The following ZNF133 variants were observed in gnomAD, a reference collection of about 807,000 sequenced individuals.
ZNF133 encodes zinc finger protein 133, also known as zinc finger protein 133 (clone pHZ-13).
In ZNF133, 26 loss-of-function variants were observed where a neutral mutation model predicts 54.9. The ratio of observed to expected loss-of-function variants is 0.47; its 90% CI spans 0.35 to 0.66. The LOEUF (loss-of-function observed/expected upper bound fraction) is 0.66, where lower values mean the gene tolerates loss of function less well. Ranked by LOEUF, ZNF133 falls within the 30% of genes least tolerant of loss-of-function variation. ZNF133 has a pLI of 0.01. For missense variants in ZNF133, 653 were observed against 820.8 expected, an observed-to-expected ratio of 0.80 and a Z score of 2.50; for synonymous variants, 298 against 320.3, an observed-to-expected ratio of 0.93 and a Z score of 0.74.
Position 18,288,543 on chromosome 20 carries a change from G to T in ZNF133, c.-493G>T, listed in dbSNP as rs894875868. On this transcript the variant is annotated 5_prime_UTR_variant, in exon 1 of 7. Transcript: ENST00000425686. ...GGATTCGGGGTAGTGTAGTCCTGGC[G>T]CCCCGCTGGAGGAGCTCCCCAGCTG... The T allele has an allele frequency of 2.5e-6, 1 of 398,524 alleles. No homozygotes were observed. 24.7% of individuals were successfully genotyped at this position (398,524 alleles called of 1,614,324 possible).
intron 3 of ZNF133, among the ~76,000 whole-genome samples, chr20:18,302,198 C>T (rs995582938): frequency 2.0e-5 from 3 of 151,892 alleles, no homozygotes; most frequent in Admixed American, 6.6e-5. Flanking sequence ...GTCAGGAGTT[C>T]GAGACCAGCC....
chr20:18,293,453 T>TA (rs2041535966), intron 1 of ZNF133, among the ~76,000 whole-genome samples: 1 of 152,230 alleles, frequency 6.6e-6, no homozygotes, highest in Non-Finnish European at 1.5e-5. Flanking sequence ...CGTGGTACGT[T>TA]AGAGCTCCCA....
chr20:18,298,289 C>T lies in ZNF133; in HGVS notation c.-353C>T. 2 of 1,358,872 alleles carry T rather than the reference C, an allele frequency of 1.5e-6. No homozygotes were observed. Among genetic ancestry groups the T allele is most frequent in the Non-Finnish European group, 9.5e-7 (1 of 1,057,994 alleles). The allele number at this position is 1,358,872 out of a possible 1,614,324, so 84.2% of individuals were successfully genotyped here. A position where few individuals can be genotyped will look rare whatever the true frequency, so the allele number is the denominator to read the frequency against. ...ATAGAGTCTGCATTTCTTTGTTCAG[C>T]TTCAAAAGTTCTGCTGCCTGAGAGT... On this transcript the variant is annotated splice_region_variant and 5_prime_UTR_variant, in exon 3 of 7. Transcript: ENST00000425686.
intron 3 of ZNF133, among the ~76,000 whole-genome samples, chr20:18,299,646 A>G (rs2042952279): frequency 1.3e-5 from 2 of 152,226 alleles, no homozygotes; most frequent in African/African-American, 4.8e-5. Flanking sequence ...CAATGTAATC[A>G]AAGCATCAAA....
chr20:18,291,280 C>A (rs960395325), intron 1 of ZNF133, among the ~76,000 whole-genome samples: 9 of 152,058 alleles, frequency 5.9e-5, no homozygotes, highest in East Asian at 1.9e-4. Flanking sequence ...TGTTATGTTT[C>A]GAATATTTTA....
chr20:18,316,842 G>C lies in ZNF133; in HGVS notation c.*26G>C. ...AGGCAAAGATGGGGACAAGGACTAA[G>C]AGTCAGAATGTTGACACTTTGATGA... On this transcript the variant is annotated 3_prime_UTR_variant, in exon 7 of 7. Coordinates refer to ENST00000425686, the MANE Select transcript of ZNF133 (RefSeq NM_001352452.2). 6.4e-7 allele frequency: 1 copy of C among 1,566,062 alleles called. No homozygotes were observed.
At chr20:18,308,325 G>C (rs1008698541) in intron 6 of ZNF133, among the ~76,000 whole-genome samples, 1 of 152,036 alleles carries the variant, frequency 6.6e-6, no homozygotes, top group Admixed American at 6.5e-5. Flanking sequence ...TCTTCAAATT[G>C]AGGGACCATA....
Position 18,298,447 on chromosome 20 carries a change from G to A in ZNF133, c.-195G>A. The A allele has an allele frequency of 3.4e-6, 2 of 580,136 alleles. No homozygotes were observed. The highest frequency in any genetic ancestry group is 2.3e-6 in the Non-Finnish European group (1 of 442,438). 35.9% of individuals were successfully genotyped at this position (580,136 alleles called of 1,614,324 possible). A position where few individuals can be genotyped will look rare whatever the true frequency, so the allele number is the denominator to read the frequency against. ...TAGTTGAAGGCCTCCAGTTCCCAGG[G>A]GGAAGGAAGCATGGAGGGTAAGTCA... On this transcript the variant is annotated 5_prime_UTR_variant, in exon 3 of 7. Coordinates refer to ENST00000425686, the MANE Select transcript of ZNF133 (RefSeq NM_001352452.2).
At chr20:18,309,077 G>T (rs2045295390) in intron 6 of ZNF133, among the ~76,000 whole-genome samples, 1 of 152,136 alleles carries the variant, frequency 6.6e-6, no homozygotes. Context: ...TCTTCACATG[G>T]CCCTTTCTCA....
intron 1 of ZNF133, 72 bp from the exon 2 acceptor site, chr20:18,297,913 A>G (rs1262626162): frequency 1.0e-6 from 1 of 991,598 alleles, no homozygotes; most frequent in Non-Finnish European, 1.5e-6. Context: ...GGGGTTAAAG[A>G]GCAGGCCCTG....
chr20:18,291,047 C>A (rs1358771535), intron 1 of ZNF133, among the ~76,000 whole-genome samples: 1 of 152,116 alleles, frequency 6.6e-6, no homozygotes, highest in African/African-American at 2.4e-5. Flanking sequence ...GAATCTGTCG[C>A]CTGGGCAACA....
At chr20:18,304,046 C>T (rs2044042618) in intron 3 of ZNF133, among the ~76,000 whole-genome samples, 1 of 152,034 alleles carries the variant, frequency 6.6e-6, no homozygotes, top group South Asian at 2.1e-4. Flanking sequence ...TAAAGAACTC[C>T]TACAGCTTAA....
In ZNF133 at chr20:18,299,168, C is replaced by G. The variant is rs137994983; in HGVS notation, c.-178+704C>G. On this transcript the variant is annotated intron_variant, in intron 3 of 6. Transcript: ENST00000425686. ...TACTTACTAAACAAAGACTTTAAAA[C>G]AGCCATCTTAAAGAGCTAAAGGAAG... Among the ~76,000 whole-genome samples the G allele has an allele frequency of 2.4e-3, 364 of 152,146 alleles. 2 individuals carry two copies. Among genetic ancestry groups the G allele is most frequent in the African/African-American group, 3.8e-3 (157 of 41,516 alleles).
At chr20:18,301,205 G>C (rs1273582512) in intron 3 of ZNF133, among the ~76,000 whole-genome samples, 1 of 152,054 alleles carries the variant, frequency 6.6e-6, no homozygotes, top group Non-Finnish European at 1.5e-5. Context: ...TAAACTACAA[G>C]GGAAATTAGA....
Position 18,316,744 on chromosome 20 carries a change from C to G in ZNF133, c.1893C>G (p.His631Gln), listed in dbSNP as rs761470366. 1.2e-6 allele frequency: 2 copies of G among 1,614,234 alleles called. No homozygotes were observed. The highest frequency in any genetic ancestry group is 3.3e-5 in the Admixed American group (2 of 60,030). ...GACACAGGAAGACCACGTCTGTCCA[C>G]CACAGACTGCCAGTGCAGCCCGACC... The part of the protein sequence containing the change: ...LSRHRKTTSV[H>Q]HRLPVQPDPE... The change falls in exon 7 of 7, where the codon CAC becomes CAG. Residue 631 changes from histidine (H) to glutamine (Q), a missense_variant. This residue lies in a region of ZNF133 where 129 missense variants were observed against 138.5 expected (regional missense o/e 0.93). Coordinates refer to ENST00000425686, the MANE Select transcript of ZNF133 (RefSeq NM_001352452.2).
Position 18,305,734 on chromosome 20 carries a change from G to T in ZNF133, c.48G>T (p.Arg16Ser). The T allele has an allele frequency of 1.2e-6, 2 of 1,614,180 alleles. No homozygotes were observed. The highest frequency in any genetic ancestry group is 1.6e-4 in the Middle Eastern group (1 of 6,062). Residue 16 changes from arginine to serine, a missense_variant, in exon 5 of 7, where the codon AGG becomes AGT. Arg to Ser is a moderately radical substitution (Grantham distance 110, BLOSUM62 -1). This residue lies in a region of ZNF133 where 227 missense variants were observed against 233.9 expected (regional missense o/e 0.97). Transcript: ENST00000425686. This position sits in a 1 kb window ranked among gnomAD's most constrained non-coding sequence, Gnocchi z 4.7. Reference protein sequence around the residue: ...VAVDFTQDEWRLLSPAQRTLY... With the variant: ...VAVDFTQDEWSLLSPAQRTLY... ...TGGATTTCACCCAGGATGAGTGGAG[G>T]CTGCTGAGCCCTGCTCAAAGGACTC...
chr20:18,289,693 GGT>G (rs2040488807), intron 1 of ZNF133, among the ~76,000 whole-genome samples: 1 of 152,164 alleles, frequency 6.6e-6, no homozygotes, highest in African/African-American at 2.4e-5. Context: ...GATAGAATGA[GGT>G]GAAACTCCTA....
At chr20:18,297,789 G>A (rs2042542327) in intron 1 of ZNF133, among the ~76,000 whole-genome samples, 196 bp from the exon 2 acceptor site, 1 of 151,936 alleles carries the variant, frequency 6.6e-6, no homozygotes, top group Non-Finnish European at 1.5e-5. Flanking sequence ...CTTTTGTTTT[G>A]GAAGACCCTG....
At chr20:18,298,954 T>C (rs1178985054) in intron 3 of ZNF133, among the ~76,000 whole-genome samples, 2 of 151,920 alleles carry the variant, frequency 1.3e-5, no homozygotes, top group Non-Finnish European at 2.9e-5. Flanking sequence ...TACATCAATA[T>C]TAAAAACAAA....
Sources: allele counts gnomAD v4.1 joint callset (sites outside exome capture counted in the v4.1 genomes callset), GRCh38; gene constraint gnomAD v4.1.1; regional missense constraint gnomAD v4.1.1; non-coding constraint Gnocchi (gnomAD v3.1); transcripts MANE v1.5; gene names NCBI Gene and HGNC (gene_info 2026-07-23, HGNC 2026-07-21).